Variants in BANF2 observed in about 807,000 individuals in gnomAD.
BANF2 encodes barrier-to-autointegration factor-like protein.
A neutral mutation model predicts 8.0 loss-of-function variants in BANF2; 4 were observed. The observed-to-expected ratio is 0.50, with a 90% CI of 0.25 to 1.14. The LOEUF is 1.14. Among genes scored for constraint, BANF2 ranks in the 50% most tolerant of loss-of-function variants. BANF2 has a pLI of 0.16. For synonymous variants in BANF2, 50 were observed against 40.6 expected, an observed-to-expected ratio of 1.23 and a Z score of -0.88; for missense variants, 96 against 107.5, an observed-to-expected ratio of 0.89 and a Z score of 0.47.
intron 1 of BANF2, among the ~76,000 whole-genome samples, chr20:17,720,664 A>T (rs745923171): frequency 6.6e-6 from 1 of 152,222 alleles, no homozygotes; most frequent in South Asian, 2.1e-4. Context: ...AAAGATGGAG[A>T]CTTGCTCTTC....
At chr20:17,735,559 C>T (rs759655927) in intron 3 of BANF2, 106 bp from the exon 4 acceptor site, 7 of 1,342,880 alleles carry the variant, frequency 5.2e-6, no homozygotes, top group South Asian at 2.6e-5. Context: ...CCTGCTCCCC[C>T]TCCTTTGATT....
intron 1 of BANF2, among the ~76,000 whole-genome samples, chr20:17,708,365 A>G (rs2037517605): frequency 6.6e-6 from 1 of 152,224 alleles, no homozygotes. Context: ...AAACCGTGGC[A>G]TGGCTTTGTT....
intron 1 of BANF2, among the ~76,000 whole-genome samples, chr20:17,694,169 T>C (rs1253712694): frequency 1.3e-5 from 2 of 152,184 alleles, no homozygotes; most frequent in Admixed American, 6.5e-5. Context: ...ACAAAACCGA[T>C]GCAAAGCCTC....
chr20:17,696,252 A>G (rs752696444), upstream of BANF2, among the ~76,000 whole-genome samples: 7 of 152,148 alleles, frequency 4.6e-5, no homozygotes, highest in Non-Finnish European at 1.0e-4. Context: ...TGATCCTCCT[A>G]CCTTGGCCTC....
intron 1 of BANF2, among the ~76,000 whole-genome samples, chr20:17,708,192 A>T (rs1442035307): frequency 1.3e-5 from 2 of 152,056 alleles, no homozygotes; most frequent in African/African-American, 4.8e-5. Context: ...ATGCCACTGC[A>T]CTCTAGCCTG....
intron 3 of BANF2, among the ~76,000 whole-genome samples, chr20:17,733,664 A>T (rs2037934567): frequency 6.6e-6 from 1 of 152,170 alleles, no homozygotes; most frequent in Non-Finnish European, 1.5e-5. Flanking sequence ...TCAAAATGGG[A>T]GGATACTGAT....
chr20:17,694,544 C>T (rs1348975374), intron 1 of BANF2, among the ~76,000 whole-genome samples: 1 of 146,002 alleles, frequency 6.8e-6, no homozygotes, highest in African/African-American at 2.5e-5. Context: ...TGAAACATTG[C>T]ATCTAACATT....
intron 1 of BANF2, chr20:17,693,759 G>A: frequency 6.5e-7 from 1 of 1,545,206 alleles, no homozygotes; most frequent in Non-Finnish European, 8.8e-7. Flanking sequence ...AGACGGCGGG[G>A]AAAGGAGGCA....
chr20:17,726,179 T>C (rs1356204682), intron 3 of BANF2, among the ~76,000 whole-genome samples: 3 of 152,128 alleles, frequency 2.0e-5, no homozygotes, highest in Non-Finnish European at 2.9e-5. Flanking sequence ...TTTTGTACTT[T>C]TATTATTTAT....
chr20:17,712,678 C>G (rs1332546214), intron 1 of BANF2: 1 of 423,740 alleles, frequency 2.4e-6, no homozygotes, highest in Non-Finnish European at 3.2e-6. Context: ...GTAGATTCTC[C>G]CTTCCTGTCT....
At chr20:17,710,035 G>A (rs558979581) in intron 1 of BANF2, among the ~76,000 whole-genome samples, 1 of 152,234 alleles carries the variant, frequency 6.6e-6, no homozygotes, top group African/African-American at 2.4e-5. Flanking sequence ...TGAGCACTGG[G>A]GGCTCCCTCC....
upstream of BANF2, among the ~76,000 whole-genome samples, chr20:17,695,807 A>G (rs1168998974): frequency 6.6e-6 from 1 of 152,170 alleles, no homozygotes; most frequent in African/African-American, 2.4e-5. Context: ...CATCCCATGG[A>G]GTTACCTGTG....
intron 3 of BANF2, among the ~76,000 whole-genome samples, chr20:17,734,991 G>A (rs2037955437): frequency 6.6e-6 from 1 of 152,164 alleles, no homozygotes; most frequent in East Asian, 1.9e-4. Context: ...GAAAGCTGAG[G>A]CAGGAGAATC....
intron 3 of BANF2, among the ~76,000 whole-genome samples, chr20:17,731,795 GATGGCTCACTCCTGT>G (rs989375255): frequency 2.7e-5 from 4 of 148,544 alleles, no homozygotes; most frequent in African/African-American, 9.9e-5. Flanking sequence ...GGCCAGGCGT[GATGGCTCACTCCTGT>G]AATCCCAGCA....
At chr20:17,726,064 G>T (rs6105798) in intron 3 of BANF2, among the ~76,000 whole-genome samples, 1 of 152,182 alleles carries the variant, frequency 6.6e-6, no homozygotes, top group Non-Finnish European at 1.5e-5. Context: ...CCAGTAGATG[G>T]TATCATCAGA....
chr20:17,713,556 C>T (rs116287150), intron 1 of BANF2, among the ~76,000 whole-genome samples: 398 of 152,108 alleles, frequency 2.6e-3, no homozygotes, highest in Non-Finnish European at 3.6e-3. Flanking sequence ...ATAGTCCAGG[C>T]GCAGTGGCTT....
At chr20:17,725,853 G>A (rs2122636609) in intron 3 of BANF2, among the ~76,000 whole-genome samples, 1 of 152,250 alleles carries the variant, frequency 6.6e-6, no homozygotes, top group African/African-American at 2.4e-5. Context: ...TCTCCTCAGT[G>A]CCCCAAGTCA....
chr20:17,704,334 G>A (rs1252559425), intron 1 of BANF2, among the ~76,000 whole-genome samples: 1 of 152,200 alleles, frequency 6.6e-6, no homozygotes, highest in East Asian at 1.9e-4. Flanking sequence ...AGTGGAGCCT[G>A]AGATTCTGCA....
chr20:17,698,760 G>A (rs2037372765), upstream of BANF2, among the ~76,000 whole-genome samples: 2 of 152,240 alleles, frequency 1.3e-5, no homozygotes, highest in African/African-American at 2.4e-5. Flanking sequence ...GACAACGTCA[G>A]TTGTGCTTCC....
Sources: allele counts gnomAD v4.1 joint callset (sites outside exome capture counted in the v4.1 genomes callset), GRCh38; gene constraint gnomAD v4.1.1; transcripts MANE v1.5; gene names NCBI Gene and HGNC (gene_info 2026-07-23, HGNC 2026-07-21).